Variants in ATRNL1 observed in about 807,000 individuals in gnomAD.
The protein encoded by ATRNL1 is attractin-like protein 1.
In ATRNL1, 95 loss-of-function variants were observed where a neutral mutation model predicts 182.7. The observed-to-expected ratio is 0.52, with a 90% CI of 0.44 to 0.62. The LOEUF (loss-of-function observed/expected upper bound fraction) is 0.62, where lower values mean the gene tolerates loss of function less well. Among genes scored for constraint, ATRNL1 ranks in the 20% least tolerant of loss-of-function variants. The pLI is 0.00. For missense variants in ATRNL1, 1,471 were observed against 1,679.5 expected, an observed-to-expected ratio of 0.88 and a Z score of 2.17; for synonymous variants, 576 against 568.3, an observed-to-expected ratio of 1.01 and a Z score of -0.19.
intron 26 of ATRNL1, among the ~76,000 whole-genome samples, chr10:115,555,195 G>A (rs1355645505): frequency 1.3e-5 from 2 of 151,840 alleles, no homozygotes; most frequent in African/African-American, 4.8e-5. Context: ...GGAACTCAGA[G>A]AGAAGTAGAA....
At chr10:115,425,188 C>T (rs1845828262) in intron 20 of ATRNL1, among the ~76,000 whole-genome samples, 2 of 151,788 alleles carry the variant, frequency 1.3e-5, no homozygotes, top group South Asian at 4.2e-4. Context: ...CTATTTGACT[C>T]TTCATTATAT....
chr10:115,143,580 A>C (rs1275689629), intron 5 of ATRNL1, among the ~76,000 whole-genome samples: 1 of 152,176 alleles, frequency 6.6e-6, no homozygotes, highest in Non-Finnish European at 1.5e-5. Context: ...CAGAAGTCCA[A>C]TACCAGGGTG....
At chr10:115,573,631 G>A (rs1854537514) in intron 26 of ATRNL1, among the ~76,000 whole-genome samples, 1 of 152,112 alleles carries the variant, frequency 6.6e-6, no homozygotes, top group South Asian at 2.1e-4. Flanking sequence ...GTTATTTTCA[G>A]AGCAGAAGTC....
At chr10:115,442,599 ATGAT>A (rs1846752260) in intron 21 of ATRNL1, among the ~76,000 whole-genome samples, 1 of 152,046 alleles carries the variant, frequency 6.6e-6, no homozygotes, top group African/African-American at 2.4e-5. Context: ...CAATATGTAA[ATGAT>A]TGGTTGCGGC....
intron 28 of ATRNL1, among the ~76,000 whole-genome samples, chr10:115,912,603 G>A (rs1391027816): frequency 6.6e-6 from 1 of 151,644 alleles, no homozygotes. Flanking sequence ...GAAATAATTA[G>A]AAATTTGGTC....
chr10:115,309,392 C>A (rs1483246476), intron 17 of ATRNL1, among the ~76,000 whole-genome samples: 1 of 152,096 alleles, frequency 6.6e-6, no homozygotes, highest in African/African-American at 2.4e-5. Flanking sequence ...GATATCAGTT[C>A]TTCTAACCCC....
At chr10:115,918,157 A>AT (rs1952932732) in intron 28 of ATRNL1, among the ~76,000 whole-genome samples, 1 of 149,186 alleles carries the variant, frequency 6.7e-6, no homozygotes, top group Non-Finnish European at 1.5e-5. Context: ...GCTGGAGTGT[A>AT]TTACACGATC....
intron 8 of ATRNL1, among the ~76,000 whole-genome samples, chr10:115,193,405 T>C (rs879947152): frequency 1.3e-5 from 2 of 151,984 alleles, no homozygotes; most frequent in African/African-American, 2.4e-5. Context: ...CATCTTGCTA[T>C]GTGTTATTGA....
intron 15 of ATRNL1, among the ~76,000 whole-genome samples, chr10:115,292,837 A>G (rs77676682): frequency 0.014 from 2,114 of 152,186 alleles, 44 homozygotes; most frequent in African/African-American, 0.048. Context: ...TGTATTCTTC[A>G]GTACAGTGTT....
At chr10:115,237,671 C>T (rs561341469) in intron 9 of ATRNL1, among the ~76,000 whole-genome samples, 1 of 152,200 alleles carries the variant, frequency 6.6e-6, no homozygotes, top group African/African-American at 2.4e-5. Context: ...CAGACTGTGG[C>T]TTGTTGTTTC....
At chr10:115,936,472 T>C (rs1953562997) in intron 28 of ATRNL1, among the ~76,000 whole-genome samples, 1 of 152,194 alleles carries the variant, frequency 6.6e-6, no homozygotes, top group Non-Finnish European at 1.5e-5. Context: ...GCTTCTCAAA[T>C]GATTTTTTAA....
At chr10:115,388,517 A>T (rs1312612030) in intron 19 of ATRNL1, among the ~76,000 whole-genome samples, 1 of 151,858 alleles carries the variant, frequency 6.6e-6, no homozygotes, top group Non-Finnish European at 1.5e-5. Flanking sequence ...AGTTTTTCTG[A>T]GTCACTTGGT....
At chr10:115,743,238 TA>T (rs67671102) in intron 27 of ATRNL1, among the ~76,000 whole-genome samples, 3 of 115,960 alleles carry the variant, frequency 2.6e-5, no homozygotes, top group African/African-American at 9.8e-5. Flanking sequence ...TCTCTTATAG[TA>T]AAAAAAAAAA....
intron 9 of ATRNL1, among the ~76,000 whole-genome samples, chr10:115,228,718 A>G (rs1401865320): frequency 2.2e-5 from 3 of 134,238 alleles, no homozygotes; most frequent in Non-Finnish European, 4.9e-5. Flanking sequence ...TTTTATTTTT[A>G]TTTTTTTCCA....
intron 24 of ATRNL1, among the ~76,000 whole-genome samples, chr10:115,512,184 A>T (rs1421800187): frequency 6.6e-6 from 1 of 151,964 alleles, no homozygotes; most frequent in Non-Finnish European, 1.5e-5. Context: ...CCTAATTAGA[A>T]CATAATAGAT....
chr10:115,858,881 G>A (rs189174558), intron 28 of ATRNL1, among the ~76,000 whole-genome samples: 24 of 151,618 alleles, frequency 1.6e-4, no homozygotes, highest in African/African-American at 3.6e-4. Context: ...TCATTACCTC[G>A]GGCTGCTATA....
At chr10:115,525,780 T>G (rs888037073) in intron 25 of ATRNL1, among the ~76,000 whole-genome samples, 4 of 152,170 alleles carry the variant, frequency 2.6e-5, no homozygotes, top group Non-Finnish European at 5.9e-5. Context: ...GGGTATTACA[T>G]CTCTGTGGTC....
intron 28 of ATRNL1, among the ~76,000 whole-genome samples, chr10:115,934,861 T>G (rs1953509161): frequency 6.6e-6 from 1 of 152,164 alleles, no homozygotes; most frequent in African/African-American, 2.4e-5. Context: ...CCTCCTGTAT[T>G]CTCTCTTACC....
chr10:115,504,088 A>T (rs1375105592), intron 24 of ATRNL1, among the ~76,000 whole-genome samples: 1 of 151,978 alleles, frequency 6.6e-6, no homozygotes. Flanking sequence ...TCTATTATTT[A>T]ATTTAACTTT....
Sources: allele counts gnomAD v4.1 joint callset (sites outside exome capture counted in the v4.1 genomes callset), GRCh38; gene constraint gnomAD v4.1.1; transcripts MANE v1.5; gene names NCBI Gene and HGNC (gene_info 2026-07-23, HGNC 2026-07-21).